GABRG2: variants seen among roughly 807,000 people sequenced by gnomAD.
The protein encoded by GABRG2 is gamma-aminobutyric acid receptor subunit gamma-2.
In GABRG2, 16 loss-of-function variants were observed where a neutral mutation model predicts 56.4. That is an observed-to-expected ratio of 0.28 (90% CI 0.19 to 0.43). GABRG2 has a LOEUF of 0.43. Among genes scored for constraint, GABRG2 ranks in the 20% least tolerant of loss-of-function variants. GABRG2 has a pLI of 1.00. For missense variants in GABRG2, 327 were observed against 582.7 expected, an observed-to-expected ratio of 0.56 and a Z score of 4.52; for synonymous variants, 208 against 205.5, an observed-to-expected ratio of 1.01 and a Z score of -0.10.
chr5:162,142,015 C>A, intron 6 of GABRG2, 149 bp from the exon 7 acceptor site: 1 of 1,005,970 alleles, frequency 9.9e-7, no homozygotes, highest in Non-Finnish European at 1.5e-6. Flanking sequence ...TGTTTTTTAA[C>A]CCAAGCGGGC....
intron 7 of GABRG2, among the ~76,000 whole-genome samples, chr5:162,143,739 T>C (rs981867608): frequency 6.6e-6 from 1 of 152,198 alleles, no homozygotes; most frequent in African/African-American, 2.4e-5. Context: ...ATATAAAACA[T>C]GTATAATTTC....
intron 6 of GABRG2, among the ~76,000 whole-genome samples, chr5:162,106,086 G>A (rs912938106): frequency 6.6e-5 from 10 of 152,112 alleles, no homozygotes; most frequent in East Asian, 3.9e-4. Context: ...CCAATGTCTC[G>A]TGTGGAGGAT....
At chr5:162,107,622 G>A (rs569716814) in intron 6 of GABRG2, among the ~76,000 whole-genome samples, 3 of 152,254 alleles carry the variant, frequency 2.0e-5, no homozygotes, top group East Asian at 1.9e-4. Flanking sequence ...CCTGTGGTGG[G>A]TCGATAAGAT....
At chr5:162,149,630 T>G (rs559372144) in intron 8 of GABRG2, 1 of 682,698 alleles carries the variant, frequency 1.5e-6, no homozygotes, top group African/African-American at 1.7e-5. Context: ...CACTGATTTT[T>G]TGAGATGGAG....
intron 1 of GABRG2, among the ~76,000 whole-genome samples, chr5:162,090,412 A>G (rs1335141499): frequency 6.6e-6 from 1 of 152,066 alleles, no homozygotes; most frequent in East Asian, 1.9e-4. Context: ...AGATCCTCAA[A>G]TATTAATATG....
At chr5:162,111,103 C>T (rs955926332) in intron 6 of GABRG2, among the ~76,000 whole-genome samples, 3 of 152,062 alleles carry the variant, frequency 2.0e-5, no homozygotes, top group African/African-American at 7.2e-5. Context: ...ATCTAAGAGC[C>T]ACTTTCTTTA....
At chr5:162,150,901 G>A (rs185559280) in intron 8 of GABRG2, 1 of 152,302 alleles carries the variant, frequency 6.6e-6, no homozygotes, top group East Asian at 1.9e-4. Flanking sequence ...GCCTCTCTCT[G>A]ACTTTCCATT....
chr5:162,090,068 T>G (rs1385585276), intron 1 of GABRG2, among the ~76,000 whole-genome samples: 1 of 152,076 alleles, frequency 6.6e-6, no homozygotes, highest in African/African-American at 2.4e-5. Flanking sequence ...TAAATAAGAT[T>G]GATTTTTACT....
chr5:162,101,115 T>G, intron 4 of GABRG2, 120 bp from the exon 5 acceptor site: 1 of 747,602 alleles, frequency 1.3e-6, no homozygotes, highest in South Asian at 1.5e-5. Flanking sequence ...TGGGGATCAC[T>G]CTGTGTTTTC....
At chr5:162,084,257 A>G (rs1432060624) in intron 1 of GABRG2, among the ~76,000 whole-genome samples, 1 of 149,478 alleles carries the variant, frequency 6.7e-6, no homozygotes, top group Non-Finnish European at 1.5e-5. Flanking sequence ...GTGACACTTA[A>G]TTAAAATTGT....
intron 6 of GABRG2, among the ~76,000 whole-genome samples, chr5:162,118,987 T>C (rs776366552): frequency 7.2e-5 from 11 of 152,230 alleles, no homozygotes; most frequent in African/African-American, 2.4e-4. Flanking sequence ...AAGGGACTTG[T>C]AGCATTGGAC....
rs565878322 is a variant in GABRG2 at position 162,073,926 on chromosome 5, G to A, written c.107+5820G>A. Among the ~76,000 whole-genome samples, 24 of 152,064 alleles carry A rather than the reference G, an allele frequency of 1.6e-4. No homozygotes were observed. The South Asian group carries it at 3.3e-3, about 21-fold the overall frequency. The stretch of plus-strand genomic sequence containing the variant: ...CCTTTACTATTGGCTGTAGAACAGA[G>A]TTAAGACCCCCTCCTTGAATTCATA... On this transcript the variant is annotated intron_variant, in intron 1 of 9. Coordinates refer to ENST00000639213, the MANE Select transcript of GABRG2 (RefSeq NM_198904.4).
chr5:162,121,610 TAAG>T (rs1254390511), intron 6 of GABRG2, among the ~76,000 whole-genome samples: 1 of 152,096 alleles, frequency 6.6e-6, no homozygotes, highest in South Asian at 2.1e-4. Flanking sequence ...TTGTATTTGA[TAAG>T]AAGGTTTCTC....
At chr5:162,133,783 G>A (rs977021291) in intron 6 of GABRG2, among the ~76,000 whole-genome samples, 1 of 151,990 alleles carries the variant, frequency 6.6e-6, no homozygotes, top group Admixed American at 6.6e-5. Flanking sequence ...CAGAAAACTG[G>A]GATATCAGCA....
chr5:162,071,964 A>G (rs985630891), intron 1 of GABRG2, among the ~76,000 whole-genome samples: 2 of 151,874 alleles, frequency 1.3e-5, no homozygotes, highest in Admixed American at 1.3e-4. Context: ...ATCACCCAGT[A>G]TTTCCCAGAA....
chr5:162,109,575 A>G (rs938577558), intron 6 of GABRG2, among the ~76,000 whole-genome samples: 5 of 151,598 alleles, frequency 3.3e-5, no homozygotes, highest in African/African-American at 9.7e-5. Context: ...ACTAATAGTC[A>G]TAATGGACTA....
chr5:162,141,068 A>G (rs112060877), intron 6 of GABRG2, among the ~76,000 whole-genome samples: 2,724 of 152,008 alleles, frequency 0.018, 95 homozygotes, highest in African/African-American at 0.061. Flanking sequence ...AAGGAGTCTC[A>G]CTGTGTTGCC....
At chr5:162,104,356 G>A (rs997580745) in intron 6 of GABRG2, among the ~76,000 whole-genome samples, 62 of 152,082 alleles carry the variant, frequency 4.1e-4, no homozygotes, top group Non-Finnish European at 7.6e-4. Flanking sequence ...TAGTGAAATC[G>A]CCACATTTCA....
chr5:162,089,043 A>G (rs907191661), intron 1 of GABRG2, among the ~76,000 whole-genome samples: 4 of 152,122 alleles, frequency 2.6e-5, no homozygotes, highest in Non-Finnish European at 4.4e-5. Context: ...CTATGAAACA[A>G]TCTCTTGGTA....
Sources: gnomAD v4.1 joint callset for allele counts (sites outside exome capture counted in the v4.1 genomes callset) on GRCh38, gnomAD v4.1.1 for gene constraint, MANE v1.5 for transcripts, NCBI Gene and HGNC (gene_info 2026-07-23, HGNC 2026-07-21) for gene names.